The following HERC1 variants were observed in gnomAD, a reference collection of about 807,000 sequenced individuals.
HERC1 encodes the protein probable E3 ubiquitin-protein ligase HERC1.
Under a neutral mutation model 554.3 loss-of-function variants are expected in HERC1, and 160 were observed. The observed-to-expected ratio is 0.29, with a 90% confidence interval of 0.25 to 0.33. The LOEUF (loss-of-function observed/expected upper bound fraction) is 0.33. Ranked by LOEUF, HERC1 falls within the 10% of genes least tolerant of loss-of-function variation. The pLI is 1.00. For synonymous variants in HERC1, 2,175 were observed against 2,131.7 expected (o/e 1.02, Z -0.56); for missense variants, 4,919 against 5,918.5 (o/e 0.83, Z 5.54).
At chr15:63,774,413 T>C (rs1227527946) in intron 2 of HERC1, among the ~76,000 whole-genome samples, 3 of 152,206 alleles carry the variant, frequency 2.0e-5, no homozygotes, top group African/African-American at 4.8e-5. Flanking sequence ...TTTCATAAGT[T>C]CGCTAAAACA....
chr15:63,611,542 T>G (rs1210424347), intron 77 of HERC1, among the ~76,000 whole-genome samples: 2 of 152,202 alleles, frequency 1.3e-5, no homozygotes, highest in Non-Finnish European at 2.9e-5. Context: ...GAGGTTATCG[T>G]TGCTCCCCAC....
intron 70 of HERC1, among the ~76,000 whole-genome samples, chr15:63,626,519 C>T (rs2068306382): frequency 6.6e-6 from 1 of 152,098 alleles, no homozygotes; most frequent in African/African-American, 2.4e-5. Context: ...CATAATACCA[C>T]AAATGTGGGC....
chr15:63,751,386 G>T (rs888941787), intron 8 of HERC1, among the ~76,000 whole-genome samples: 11 of 152,138 alleles, frequency 7.2e-5, no homozygotes, highest in African/African-American at 2.4e-4. Flanking sequence ...GGTTTGTGTG[G>T]TACTCTCTAC....
chr15:63,699,319 G>A (rs541814594), intron 25 of HERC1, among the ~76,000 whole-genome samples: 8 of 152,190 alleles, frequency 5.3e-5, no homozygotes, highest in Non-Finnish European at 1.2e-4. Context: ...ATGCTCTGCA[G>A]TATTAAACCA....
chr15:63,754,596 G>C lies in HERC1; in HGVS notation c.1683C>G (p.Ser561Arg). 6.2e-7 allele frequency: 1 copy of C among 1,613,240 alleles called. No homozygotes were observed. The highest frequency in any genetic ancestry group is 8.5e-7 in the Non-Finnish European group (1 of 1,179,360). The change falls in exon 7 of 78, where the codon AGC becomes AGG. Residue 561 changes from serine (S) to arginine (R), a missense_variant. Ser to Arg is a moderately radical substitution (Grantham distance 110). Coordinates refer to ENST00000443617, the MANE Select transcript of HERC1 (RefSeq NM_003922.4). ...RNIPTLVKDI[S>R]NVGEVSCGSS... Reference sequence around the variant, plus strand: ...TGCCACAAGAAACCTCTCCTACATTGCTGATGTCTTTTACTAATGTTGGAA... The same window carrying C: ...TGCCACAAGAAACCTCTCCTACATTCCTGATGTCTTTTACTAATGTTGGAA...
chr15:63,622,751 C>A (rs1289285710), intron 74 of HERC1, 64 bp downstream of exon 74: 1 of 1,271,044 alleles, frequency 7.9e-7, no homozygotes, highest in African/African-American at 1.5e-5. Context: ...ATAGTAAGCA[C>A]TCAATAAATG....
At chr15:63,769,934 AT>A (rs543984389) in intron 2 of HERC1, among the ~76,000 whole-genome samples, 1 of 152,102 alleles carries the variant, frequency 6.6e-6, no homozygotes, top group Non-Finnish European at 1.5e-5. Flanking sequence ...CTAAATGACA[AT>A]TTTTTTCCCC....
chr15:63,771,598 A>AT (rs1352275812), intron 2 of HERC1, among the ~76,000 whole-genome samples: 2 of 151,504 alleles, frequency 1.3e-5, no homozygotes, highest in Non-Finnish European at 2.9e-5. Flanking sequence ...TGCCTGGCTA[A>AT]TTTTTTTATT....
chr15:63,808,191 A>T lies in HERC1; in HGVS notation c.-27+25636T>A, dbSNP rs185363539. Among the ~76,000 whole-genome samples, 171 of 152,054 alleles carry T rather than the reference A, an allele frequency of 1.1e-3. 1 individual carries two copies. Among genetic ancestry groups the T allele is most frequent in the African/African-American group, 4.1e-3 (169 of 41,506 alleles). The stretch of plus-strand genomic sequence containing the variant: ...AGTTTGTGACAAGCAGCTATAAGCA[A>T]ATTTATTATGTTTTTAATGATTTTG... On this transcript the variant is annotated intron_variant, in intron 1 of 77. Transcript: ENST00000443617.
At chr15:63,806,534 C>T (rs937025434) in intron 1 of HERC1, among the ~76,000 whole-genome samples, 1 of 152,192 alleles carries the variant, frequency 6.6e-6, no homozygotes, top group Non-Finnish European at 1.5e-5. Flanking sequence ...CACCCCACAA[C>T]CAGACTCATG....
In HERC1 at chr15:63,677,760, T is replaced by C; in HGVS notation, c.7070+85A>G. On this transcript the variant is annotated intron_variant, in intron 37 of 77. Transcript: ENST00000443617. This position sits in a 1 kb window ranked among gnomAD's most constrained non-coding sequence, Gnocchi z 4.4. Reference sequence around the variant, plus strand: ...AAGTTAACTGGCAGCTCACCTAAAATACATAATTACTCACTGTCGACAGGC... The same window carrying C: ...AAGTTAACTGGCAGCTCACCTAAAACACATAATTACTCACTGTCGACAGGC... 6 of 1,515,478 alleles carry C rather than the reference T, an allele frequency of 4.0e-6. No homozygotes were observed. Among genetic ancestry groups the C allele is most frequent in the African/African-American group, 1.4e-5 (1 of 72,126 alleles). 93.9% of individuals were successfully genotyped at this position (1,515,478 alleles called of 1,614,324 possible).
At chr15:63,779,223 CT>C (rs2076206690) in intron 1 of HERC1, among the ~76,000 whole-genome samples, 1 of 151,948 alleles carries the variant, frequency 6.6e-6, no homozygotes, top group Non-Finnish European at 1.5e-5. Context: ...TGCAAGAAAA[CT>C]TTCTAAAATA....
Position 63,630,447 on chromosome 15 carries a change from A to T in HERC1, c.12966+19T>A. 1 of 1,601,126 alleles carries T rather than the reference A, an allele frequency of 6.2e-7. No individual in the cohort carries two copies. The highest frequency in any genetic ancestry group is 8.5e-7 in the Non-Finnish European group (1 of 1,173,708). On this transcript the variant is annotated intron_variant, in intron 69 of 77. Coordinates refer to ENST00000443617, the MANE Select transcript of HERC1 (RefSeq NM_003922.4). ...GATTTCTAGAATATGAGAAAGCAGC[A>T]AGCAATATAAATATTTACCTGCCCT...
intron 54 of HERC1, 118 bp downstream of exon 54, chr15:63,649,607 T>C (rs906525962): frequency 1.3e-6 from 1 of 780,744 alleles, no homozygotes. Context: ...GACTGGAAAA[T>C]TTTGAAAACA....
chr15:63,682,430 G>A (rs1432722168), intron 34 of HERC1, among the ~76,000 whole-genome samples: 1 of 152,130 alleles, frequency 6.6e-6, no homozygotes, highest in East Asian at 1.9e-4. Flanking sequence ...AAATTAGCTT[G>A]TAGTTGCTCT....
At chr15:63,774,193 T>C (rs2076043473) in intron 2 of HERC1, among the ~76,000 whole-genome samples, 1 of 152,170 alleles carries the variant, frequency 6.6e-6, no homozygotes. Context: ...TTCTTAGAAA[T>C]TTTCACTACC....
At chr15:63,665,605 A>G (rs911265943) in intron 42 of HERC1, among the ~76,000 whole-genome samples, 5 of 152,264 alleles carry the variant, frequency 3.3e-5, no homozygotes, top group African/African-American at 7.2e-5. Flanking sequence ...ACTCGATTTT[A>G]TATCACTTGT....
rs752080004 is a variant in HERC1, at chr15:63,624,255, T to C, written c.13348A>G (p.Arg4450Gly). 2.5e-6 allele frequency: 4 copies of C among 1,613,868 alleles called. No individual in the cohort carries two copies. Among genetic ancestry groups the C allele is most frequent in the Admixed American group, 1.7e-5 (1 of 60,034 alleles). Residue 4450 changes from arginine (R) to glycine (G), a missense_variant, in exon 72 of 78, where the codon AGA becomes GGA. Around this residue, in one of 11 missense-constraint regions of HERC1, gnomAD observed 410 missense variants for 467.0 expected, o/e 0.88. Transcript: ENST00000443617. ...QGQLRPLLAP[R>G]VYTLPMVRSI... is the part of the protein sequence containing the mutation. ...CGCACCATTGGCAGAGTGTAGACTCTTGGGGCTAACAAAGGCCGAAGTTGT... is the reference window on the plus strand; with the variant it reads ...CGCACCATTGGCAGAGTGTAGACTCCTGGGGCTAACAAAGGCCGAAGTTGT...
intron 34 of HERC1, among the ~76,000 whole-genome samples, chr15:63,681,740 C>A (rs2071491342): frequency 6.6e-6 from 1 of 152,076 alleles, no homozygotes; most frequent in South Asian, 2.1e-4. Context: ...GTGACCAGCC[C>A]CCAGTAAAAA....
Sources: gnomAD v4.1 joint callset for allele counts (sites outside exome capture counted in the v4.1 genomes callset) on GRCh38, gnomAD v4.1.1 for gene constraint, gnomAD v4.1.1 regional missense constraint, Gnocchi (gnomAD v3.1) non-coding constraint, MANE v1.5 for transcripts, NCBI Gene and HGNC (gene_info 2026-07-23, HGNC 2026-07-21) for gene names.